The following NAA11 variants were observed in gnomAD, a reference collection of about 807,000 sequenced individuals.
NAA11 encodes N-alpha-acetyltransferase 11.
A neutral mutation model predicts 16.1 loss-of-function variants in NAA11; 15 were observed. That is an observed-to-expected ratio of 0.93 (90% CI 0.62 to 1.44). The LOEUF (loss-of-function observed/expected upper bound fraction) is 1.44, where lower values mean the gene tolerates loss of function less well. Among genes scored for constraint, NAA11 ranks in the 40% most tolerant of loss-of-function variants. The pLI is 0.00. For missense variants in NAA11, 298 were observed against 291.3 expected (o/e 1.02, Z -0.17); for synonymous variants, 122 against 112.4 (o/e 1.09, Z -0.54).
chr4:79,176,564 C>T, the NAA11 span, among the ~76,000 whole-genome samples: 1 of 152,022 alleles, frequency 6.6e-6, no homozygotes, highest in Non-Finnish European at 1.5e-5. Flanking sequence ...TTGTTTGAGG[C>T]CCACCCAGAT....
chr4:79,181,116 T>C, the NAA11 span, among the ~76,000 whole-genome samples: 3 of 151,128 alleles, frequency 2.0e-5, no homozygotes, highest in Non-Finnish European at 2.9e-5. Flanking sequence ...CATTAGGAGG[T>C]ATACCTAATG....
At chr4:79,301,587 T>C (rs1723384289) in intron 1 of NAA11, among the ~76,000 whole-genome samples, 1 of 152,346 alleles carries the variant, frequency 6.6e-6, no homozygotes, top group African/African-American at 2.4e-5. Context: ...CACTTCTAGC[T>C]CCTCAGTTCA....
chr4:79,283,846 C>A (rs1025311168), intron 2 of NAA11, among the ~76,000 whole-genome samples: 1 of 151,990 alleles, frequency 6.6e-6, no homozygotes, highest in Non-Finnish European at 1.5e-5. Flanking sequence ...TGCTTTAATT[C>A]TTTGTGGAAC....
In NAA11 at chr4:79,325,735, T is replaced by A. The variant is rs1724256176; in HGVS notation, c.143A>T (p.Glu48Val). 2 of 1,614,208 alleles carry A rather than the reference T, an allele frequency of 1.2e-6. No individual in the cohort carries two copies. The highest frequency in any genetic ancestry group is 3.3e-5 in the Admixed American group (2 of 60,024). ...AACATAGCCCACAATCTTCCCGTCC[T>A]CATCCTCAGCGATGTAAGAAAGCTG... ...WPQLSYIAEDEDGKIVGYVLA... is the reference protein window; with the variant it reads ...WPQLSYIAEDVDGKIVGYVLA... Residue 48 changes from glutamate to valine, a missense_variant, in exon 1 of 2, where the codon GAG (glutamate) becomes GTG (valine). Transcript: ENST00000286794.
the NAA11 span, among the ~76,000 whole-genome samples, chr4:79,167,331 C>A: frequency 7.1e-6 from 1 of 141,214 alleles, no homozygotes; most frequent in East Asian, 2.1e-4. Context: ...AGAGTACAGT[C>A]CCATCAGGAC....
At chr4:79,160,064 T>C in the NAA11 span, among the ~76,000 whole-genome samples, 1 of 151,536 alleles carries the variant, frequency 6.6e-6, no homozygotes, top group African/African-American at 2.4e-5. Context: ...CAATCTCAGC[T>C]CACTGCAACC....
At chr4:79,228,578 T>G (rs1172386151) in intron 2 of NAA11, among the ~76,000 whole-genome samples, 5 of 76,266 alleles carry the variant, frequency 6.6e-5, no homozygotes, top group Admixed American at 5.7e-4. Context: ...TGTAGCTTTT[T>G]GTGTCTGGAT....
intron 1 of NAA11, among the ~76,000 whole-genome samples, chr4:79,320,143 T>C (rs1724049718): frequency 6.6e-6 from 1 of 152,212 alleles, no homozygotes; most frequent in African/African-American, 2.4e-5. Context: ...CCAGCATGTT[T>C]TGAACTGACC....
At chr4:79,260,706 T>G (rs919053821) in intron 2 of NAA11, among the ~76,000 whole-genome samples, 3 of 152,330 alleles carry the variant, frequency 2.0e-5, no homozygotes, top group Admixed American at 2.0e-4. Flanking sequence ...AAATCAGAGC[T>G]GAAATCGTGA....
chr4:79,207,341 A>G, the NAA11 span, among the ~76,000 whole-genome samples: 1 of 145,696 alleles, frequency 6.9e-6, no homozygotes, highest in Non-Finnish European at 1.5e-5. Context: ...AGGGCCTTTA[A>G]GGAGGTAATT....
the NAA11 span, among the ~76,000 whole-genome samples, chr4:79,160,961 A>T: frequency 6.6e-6 from 1 of 152,092 alleles, no homozygotes; most frequent in Non-Finnish European, 1.5e-5. Flanking sequence ...CTGATTACTT[A>T]TTTTTCTTTT....
At chr4:79,225,740 C>CT (rs1721294847) in exon 3 of NAA11, 1 of 152,018 alleles carries the variant, frequency 6.6e-6, no homozygotes, top group Non-Finnish European at 1.5e-5. Flanking sequence ...ACTTTCTGCT[C>CT]TTTGGTGAGT....
intron 2 of NAA11, among the ~76,000 whole-genome samples, chr4:79,284,878 C>CAAAAA (rs558413914): frequency 1.9e-4 from 1 of 5,148 alleles, no homozygotes; most frequent in Non-Finnish European, 3.5e-4. Context: ...GACTCCGTCT[C>CAAAAA]AAAAAAAAAA....
the NAA11 span, among the ~76,000 whole-genome samples, chr4:79,174,551 C>G: frequency 6.6e-6 from 1 of 152,054 alleles, no homozygotes; most frequent in Non-Finnish European, 1.5e-5. Context: ...GAAATCAAGT[C>G]ACAATGGAAA....
the NAA11 span, among the ~76,000 whole-genome samples, chr4:79,215,299 C>T: frequency 6.6e-6 from 1 of 152,144 alleles, no homozygotes; most frequent in South Asian, 2.1e-4. Flanking sequence ...GGGTAGTTCT[C>T]TGGGTAGTCT....
chr4:79,189,913 T>C, the NAA11 span, among the ~76,000 whole-genome samples: 39 of 152,132 alleles, frequency 2.6e-4, no homozygotes, highest in African/African-American at 8.7e-4. Context: ...TCTTGATGAG[T>C]ATGGTGGAGA....
At chr4:79,278,169 C>A (rs34207047) in intron 2 of NAA11, among the ~76,000 whole-genome samples, 75,596 of 151,694 alleles carry the variant, frequency 0.5, 19,175 homozygotes, top group Middle Eastern at 0.59. Flanking sequence ...CTCTCCACTG[C>A]CTTATTTTTG....
chr4:79,183,897 A>C, the NAA11 span, among the ~76,000 whole-genome samples: 9 of 152,312 alleles, frequency 5.9e-5, no homozygotes, highest in East Asian at 1.5e-3. Flanking sequence ...CACCAAAAAT[A>C]AGTTTAAATG....
intron 2 of NAA11, among the ~76,000 whole-genome samples, chr4:79,244,271 T>G (rs567564057): frequency 6.6e-6 from 1 of 152,286 alleles, no homozygotes; most frequent in East Asian, 1.9e-4. Flanking sequence ...TCTCCTGCCC[T>G]GCTCATGCCT....
Sources: allele counts gnomAD v4.1 joint callset (sites outside exome capture counted in the v4.1 genomes callset), GRCh38; gene constraint gnomAD v4.1.1; transcripts MANE v1.5; gene names NCBI Gene and HGNC (gene_info 2026-07-23, HGNC 2026-07-21).